Variants in TOPAZ1 observed in about 807,000 individuals in gnomAD.
The protein encoded by TOPAZ1 is protein TOPAZ1.
In TOPAZ1, 66 loss-of-function variants were observed where a neutral mutation model predicts 172.2. The ratio of observed to expected loss-of-function variants is 0.38; its 90% CI spans 0.31 to 0.47. TOPAZ1 has a LOEUF of 0.47. Among genes scored for constraint, TOPAZ1 ranks in the 20% least tolerant of loss-of-function variants. The pLI is 0.99. For synonymous variants in TOPAZ1, 681 were observed against 683.9 expected (o/e 1.00, Z 0.07); for missense variants, 1,822 against 1,972.4 (o/e 0.92, Z 1.44).
downstream of TOPAZ1, among the ~76,000 whole-genome samples, chr3:44,334,570 A>G (rs1339656535): frequency 6.6e-6 from 1 of 152,208 alleles, no homozygotes; most frequent in Non-Finnish European, 1.5e-5. Flanking sequence ...AATCTGGAAG[A>G]TAGAAACTTA....
chr3:44,284,981 G>A (rs542325292), intron 9 of TOPAZ1, among the ~76,000 whole-genome samples: 3 of 152,096 alleles, frequency 2.0e-5, no homozygotes, highest in Non-Finnish European at 4.4e-5. Context: ...AGAATAATGA[G>A]TCCAATCAGC....
intron 1 of TOPAZ1, 136 bp downstream of exon 1, chr3:44,242,535 T>A: frequency 1.0e-6 from 1 of 997,002 alleles, no homozygotes; most frequent in Non-Finnish European, 1.5e-6. Flanking sequence ...ATGGGAAAAA[T>A]GGATTTCCTT....
chr3:44,314,533 T>A (rs914955121), intron 16 of TOPAZ1, among the ~76,000 whole-genome samples: 3 of 152,112 alleles, frequency 2.0e-5, no homozygotes, highest in Non-Finnish European at 4.4e-5. Flanking sequence ...TCTATCTGAC[T>A]GCAAAGTCTG....
intron 14 of TOPAZ1, 103 bp from the exon 15 acceptor site, chr3:44,306,223 C>A: frequency 1.4e-6 from 1 of 694,068 alleles, no homozygotes; most frequent in Non-Finnish European, 2.5e-6. Context: ...AGTTTGCCAA[C>A]ACCTGGTCTT....
rs1395312718 is a variant in TOPAZ1 at position 44,244,960 on chromosome 3, T to C, written c.2454T>C (p.Ser818=). 3 of 1,551,718 alleles carry C rather than the reference T, an allele frequency of 1.9e-6. No homozygotes were observed. Among genetic ancestry groups the C allele is most frequent in the Non-Finnish European group, 2.6e-6 (3 of 1,146,980 alleles). Residue 818 remains serine (S), a synonymous_variant, in exon 2 of 20, where the codon AGT becomes AGC. Coordinates refer to ENST00000309765, the MANE Select transcript of TOPAZ1 (RefSeq NM_001145030.2). ...FSCDPGYVEK[S]PSFCCNEQET... ...GTGATCCTGGGTATGTAGAGAAAAG[T>C]CCTTCCTTCTGCTGTAATGAACAAG...
intron 8 of TOPAZ1, among the ~76,000 whole-genome samples, chr3:44,271,331 G>A (rs1244809109): frequency 6.6e-6 from 1 of 152,088 alleles, no homozygotes; most frequent in African/African-American, 2.4e-5. Flanking sequence ...TTAGCCTTTT[G>A]CATATAGCCA....
chr3:44,303,907 T>C, intron 12 of TOPAZ1, 108 bp from the exon 13 acceptor site: 2 of 581,666 alleles, frequency 3.4e-6, no homozygotes, highest in Non-Finnish European at 2.8e-6. Context: ...ATTATATACA[T>C]TCATTTTTTC....
intron 12 of TOPAZ1, among the ~76,000 whole-genome samples, chr3:44,293,883 T>A (rs1036304314): frequency 1.6e-4 from 24 of 152,156 alleles, no homozygotes; most frequent in African/African-American, 5.6e-4. Flanking sequence ...ACCATCTAGG[T>A]TTGTGTAAGT....
At chr3:44,315,705 G>T (rs1022548777) in intron 16 of TOPAZ1, among the ~76,000 whole-genome samples, 3 of 151,910 alleles carry the variant, frequency 2.0e-5, no homozygotes, top group Non-Finnish European at 4.4e-5. Context: ...GATCTTCCCA[G>T]CACAAAGCTG....
At chr3:44,301,553 A>T (rs1245664287) in intron 12 of TOPAZ1, among the ~76,000 whole-genome samples, 1 of 152,160 alleles carries the variant, frequency 6.6e-6, no homozygotes, top group South Asian at 2.1e-4. Context: ...AATGTTTTTC[A>T]ATGTTTGCCA....
chr3:44,263,649 A>G (rs527523726), intron 5 of TOPAZ1, among the ~76,000 whole-genome samples: 58 of 152,178 alleles, frequency 3.8e-4, no homozygotes, highest in Non-Finnish European at 7.3e-5. Context: ...TCTTATAAAT[A>G]TGGGTCCCTC....
chr3:44,307,580 G>A (rs546778806), intron 15 of TOPAZ1, among the ~76,000 whole-genome samples: 3 of 152,084 alleles, frequency 2.0e-5, no homozygotes, highest in Non-Finnish European at 4.4e-5. Context: ...GGGAGGAAGT[G>A]CTGAGGGATG....
In TOPAZ1 at chr3:44,242,157, G is replaced by A; in HGVS notation, c.104G>A (p.Gly35Asp). Residue 35 changes from glycine to aspartate, a missense_variant, in exon 1 of 20, where the codon GGC (glycine) becomes GAC (aspartate). Around this residue, in one of 2 missense-constraint regions of TOPAZ1, gnomAD observed 1,489 missense variants for 1,490.8 expected, o/e 1.00. Coordinates refer to ENST00000309765, the MANE Select transcript of TOPAZ1 (RefSeq NM_001145030.2). ...GCGCCAGGGCCAGGCGCGGCGGGAG[G>A]CTGTGGCCCTGAGGCCGGGGGGTGC... The part of the protein sequence containing the change: ...RQAPGPGAAG[G>D]CGPEAGGCRE... 1 of 1,548,216 alleles carries A rather than the reference G, an allele frequency of 6.5e-7. No individual in the cohort carries two copies. Among genetic ancestry groups the A allele is most frequent in the Non-Finnish European group, 8.7e-7 (1 of 1,146,118 alleles).
chr3:44,295,967 C>A (rs1034498561), intron 12 of TOPAZ1, among the ~76,000 whole-genome samples: 1 of 152,070 alleles, frequency 6.6e-6, no homozygotes, highest in African/African-American at 2.4e-5. Context: ...TAGACCATAT[C>A]CTGGATCATA....
At chr3:44,290,059 T>C (rs1267944539) in intron 11 of TOPAZ1, among the ~76,000 whole-genome samples, 1 of 152,192 alleles carries the variant, frequency 6.6e-6, no homozygotes, top group Non-Finnish European at 1.5e-5. Flanking sequence ...CTAGTCATTA[T>C]ACCTTTGAAC....
In TOPAZ1 at chr3:44,264,191, A is replaced by G. The variant is rs113336025; in HGVS notation, c.3020+1708A>G. Reference sequence around the variant, plus strand: ...CCCCATTCCTTCCTCTACTCCAACCACTTAAGAAGTGCTGGTTTTCTAGTT... The same window carrying G: ...CCCCATTCCTTCCTCTACTCCAACCGCTTAAGAAGTGCTGGTTTTCTAGTT... On this transcript the variant is annotated intron_variant, in intron 5 of 19. Coordinates refer to ENST00000309765, the MANE Select transcript of TOPAZ1 (RefSeq NM_001145030.2). Among the ~76,000 whole-genome samples, 684 of 152,264 alleles carry G rather than the reference A, an allele frequency of 4.5e-3. 5 individuals are homozygous for G. The highest frequency in any genetic ancestry group is 0.018 in the East Asian group (92 of 5,170).
At chr3:44,327,894 G>A (rs1404663595) in intron 18 of TOPAZ1, among the ~76,000 whole-genome samples, 1 of 151,856 alleles carries the variant, frequency 6.6e-6, no homozygotes. Context: ...ACAGGCACCC[G>A]CCACCACACC....
intron 4 of TOPAZ1, among the ~76,000 whole-genome samples, chr3:44,258,508 T>G (rs1699740389): frequency 6.6e-6 from 1 of 152,198 alleles, no homozygotes; most frequent in Non-Finnish European, 1.5e-5. Flanking sequence ...GTTCTGCATT[T>G]CTATAATTCA....
chr3:44,321,029 T>A lies in TOPAZ1; in HGVS notation c.4309T>A (p.Ser1437Thr). The A allele has an allele frequency of 6.5e-7, 1 of 1,542,368 alleles. No homozygotes were observed. Reference protein sequence around the residue: ...LDGAIWVMRESEWIINTPLWP... With the variant: ...LDGAIWVMRETEWIINTPLWP... ...TCATATTTTTTTCTTTTTGGAAGAGTCAGAGTGGATAATCAATACGCCTCT... is the reference window on the plus strand; with the variant it reads ...TCATATTTTTTTCTTTTTGGAAGAGACAGAGTGGATAATCAATACGCCTCT... Residue 1437 changes from serine (S) to threonine (T), a missense_variant and splice_region_variant, in exon 17 of 20, where the codon TCA becomes ACA. By Grantham distance (58) the Ser-to-Thr change is moderately conservative (BLOSUM62 1). Transcript: ENST00000309765.
Sources: allele counts gnomAD v4.1 joint callset (sites outside exome capture counted in the v4.1 genomes callset), GRCh38; gene constraint gnomAD v4.1.1; regional missense constraint gnomAD v4.1.1; transcripts MANE v1.5; gene names NCBI Gene and HGNC (gene_info 2026-07-23, HGNC 2026-07-21).